The following MLLT10 variants were observed in gnomAD, a reference collection of about 807,000 sequenced individuals.
MLLT10 encodes protein AF-10.
In MLLT10, 30 loss-of-function variants were observed where a neutral mutation model predicts 129.1. That is an observed-to-expected ratio of 0.23 (90% confidence interval 0.17 to 0.32). The LOEUF (loss-of-function observed/expected upper bound fraction) is 0.32. Ranked by LOEUF, MLLT10 falls within the 10% of genes least tolerant of loss-of-function variation. The probability of loss-of-function intolerance (pLI) is 1.00; values close to 1 mark genes in which losing one functional copy is unlikely to be tolerated. For synonymous variants in MLLT10, 490 were observed against 446.4 expected (o/e 1.10, Z -1.23); for missense variants, 1,119 against 1,268.3 (o/e 0.88, Z 1.79).
intron 13 of MLLT10, among the ~76,000 whole-genome samples, chr10:21,694,124 G>A (rs1390950660): frequency 1.3e-5 from 2 of 152,182 alleles, no homozygotes; most frequent in South Asian, 4.1e-4. Context: ...CCATTTGAGA[G>A]TAAGTTGCGC....
chr10:21,585,404 C>T (rs991506148), intron 3 of MLLT10, among the ~76,000 whole-genome samples: 6 of 152,050 alleles, frequency 3.9e-5, no homozygotes, highest in African/African-American at 1.4e-4. Context: ...AAATTCTGAG[C>T]ATGAGAAGGA....
At position 21,742,047 on chromosome 10, in the gene MLLT10, C is replaced by A; in HGVS notation, c.*64C>A. 1 of 1,486,896 alleles carries A rather than the reference C, an allele frequency of 6.7e-7. No homozygotes were observed. Among genetic ancestry groups the A allele is most frequent in the Non-Finnish European group, 9.3e-7 (1 of 1,071,248 alleles). The allele number at this position is 1,486,896 out of a possible 1,614,324, so 92.1% of individuals were successfully genotyped here. ...CTAGCACTTCATCTGGCTGCCTTTGCAGTCCTTTTACTACAGCTATGAAGA... is the reference window on the plus strand; with the variant it reads ...CTAGCACTTCATCTGGCTGCCTTTGAAGTCCTTTTACTACAGCTATGAAGA... On this transcript the variant is annotated 3_prime_UTR_variant, in exon 23 of 23. Coordinates refer to ENST00000307729, the MANE Select transcript of MLLT10 (RefSeq NM_001195626.3).
rs2051295506 is a variant in MLLT10, at chr10:21,670,591, C to T, written c.938C>T (p.Ser313Leu). 2 of 1,614,024 alleles carry T rather than the reference C, an allele frequency of 1.2e-6. No individual in the cohort carries two copies. Among genetic ancestry groups the T allele is most frequent in the Non-Finnish European group, 1.7e-6 (2 of 1,180,034 alleles). Residue 313 changes from serine to leucine, a missense_variant, in exon 10 of 23, where the codon TCA (serine) becomes TTA (leucine). Coordinates refer to ENST00000307729, the MANE Select transcript of MLLT10 (RefSeq NM_001195626.3). ...AAAGATGTTTCAGAGACTAGAGGGT[C>T]AGAGGGCAAAGGGAAGAAATCTTCA... The part of the protein sequence containing the change: ...SGKDVSETRG[S>L]EGKGKKSSAH...
intron 10 of MLLT10, among the ~76,000 whole-genome samples, chr10:21,672,499 G>A (rs904091975): frequency 6.6e-6 from 1 of 152,074 alleles, no homozygotes; most frequent in Admixed American, 6.6e-5. Context: ...AGAGTCGGGG[G>A]TTTCACCATG....
At chr10:21,628,157 C>A (rs1163015753) in intron 8 of MLLT10, among the ~76,000 whole-genome samples, 1 of 152,160 alleles carries the variant, frequency 6.6e-6, no homozygotes, top group African/African-American at 2.4e-5. Context: ...CTACCTGATT[C>A]CAAGCAGCGC....
Position 21,547,808 on chromosome 10 carries a change from G to A in MLLT10, c.240+8896G>A, listed in dbSNP as rs555600528. Among the ~76,000 whole-genome samples, 100 of 152,222 alleles carry A rather than the reference G, an allele frequency of 6.6e-4. No homozygotes were observed. The Middle Eastern group carries it at 0.01, about 16-fold the overall frequency. On this transcript the variant is annotated intron_variant, in intron 3 of 22. Transcript: ENST00000307729. ...CCTGCTTTGGCCTCCCAAAGTGCTG[G>A]TATTACAGGCGTGAGCCACTGTGCG...
At chr10:21,741,392 C>G (rs1227930244) in intron 22 of MLLT10, among the ~76,000 whole-genome samples, 1 of 151,960 alleles carries the variant, frequency 6.6e-6, no homozygotes, top group African/African-American at 2.4e-5. Context: ...ATTTAATGAG[C>G]TAATAGAGTG....
intron 14 of MLLT10, among the ~76,000 whole-genome samples, chr10:21,717,253 C>CAAAAAAAAAAAA (rs747244556): frequency 1.6e-5 from 1 of 63,558 alleles, no homozygotes; most frequent in Non-Finnish European, 2.8e-5. Context: ...AACTCCGTCT[C>CAAAAAAAAAAAA]AAAAAAAAAA....
intron 8 of MLLT10, among the ~76,000 whole-genome samples, chr10:21,647,806 C>T (rs767890744): frequency 6.6e-6 from 1 of 151,520 alleles, no homozygotes; most frequent in Non-Finnish European, 1.5e-5. Context: ...TTACCGTCTT[C>T]CCAGTTTGGT....
In MLLT10 at chr10:21,538,922, A is replaced by G; in HGVS notation, c.240+10A>G. 1.2e-6 allele frequency: 2 copies of G among 1,602,236 alleles called. No individual in the cohort carries two copies. Among genetic ancestry groups the G allele is most frequent in the Non-Finnish European group, 1.7e-6 (2 of 1,170,298 alleles). ...GAGAGCAGCCAGAGTGGTAAGGACT[A>G]TTTATCAAAAACATTAAACTTTAGT... On this transcript the variant is annotated intron_variant, in intron 3 of 22. Coordinates refer to ENST00000307729, the MANE Select transcript of MLLT10 (RefSeq NM_001195626.3).
At chr10:21,571,023 A>C (rs901296199) in intron 3 of MLLT10, among the ~76,000 whole-genome samples, 1 of 151,916 alleles carries the variant, frequency 6.6e-6, no homozygotes, top group Non-Finnish European at 1.5e-5. Context: ...TGGGTCTTTC[A>C]TGTTTTCTTT....
chr10:21,664,573 G>C (rs888728743), intron 9 of MLLT10, among the ~76,000 whole-genome samples: 5 of 151,842 alleles, frequency 3.3e-5, no homozygotes, highest in African/African-American at 4.9e-5. Flanking sequence ...GGGATTACAG[G>C]CGTGCCCGGC....
chr10:21,704,078 C>A lies in MLLT10; in HGVS notation c.1700-9694C>A, dbSNP rs573956626. On this transcript the variant is annotated intron_variant, in intron 13 of 22. Transcript: ENST00000307729. ...TCTGTTGCCCAGGCTAAAGTGACCC[C>A]AGTTTACTGCAGCCTCTGCCCCCTA... 2.0e-3 allele frequency among the ~76,000 whole-genome samples: 288 copies of A among 143,500 alleles called. 3 individuals carry two copies. The highest frequency in any genetic ancestry group is 7.1e-3 in the African/African-American group (274 of 38,736). 94.1% of individuals were successfully genotyped at this position (143,500 alleles called of 152,430 possible).
chr10:21,568,528 A>G (rs2039844668), intron 3 of MLLT10, among the ~76,000 whole-genome samples: 1 of 152,182 alleles, frequency 6.6e-6, no homozygotes, highest in Non-Finnish European at 1.5e-5. Context: ...TTTCTAATAT[A>G]GTCATGTAAT....
At chr10:21,636,378 G>C (rs972676780) in intron 8 of MLLT10, among the ~76,000 whole-genome samples, 2 of 152,056 alleles carry the variant, frequency 1.3e-5, no homozygotes, top group African/African-American at 4.8e-5. Context: ...CTCCCACCTT[G>C]GCCTTGGCCT....
chr10:21,549,923 G>A (rs2036722086), intron 3 of MLLT10, among the ~76,000 whole-genome samples: 1 of 152,162 alleles, frequency 6.6e-6, no homozygotes, highest in South Asian at 2.1e-4. Flanking sequence ...ACAGGCGTGA[G>A]CCATCGCGCC....
Position 21,534,334 on chromosome 10 carries a change from G to C in MLLT10, c.-187G>C. On this transcript the variant is annotated 5_prime_UTR_variant, in exon 1 of 23. Coordinates refer to ENST00000307729, the MANE Select transcript of MLLT10 (RefSeq NM_001195626.3). ...CCCCCTCCCCCCAGTGCGCCTGTGC[G>C]GAGGCCCTCTTGATTATGTGTGCCC... 2.5e-6 allele frequency: 1 copy of C among 395,256 alleles called. No homozygotes were observed. The allele number at this position is 395,256 out of a possible 1,614,324, so 24.5% of individuals were successfully genotyped here. A position where few individuals can be genotyped will look rare whatever the true frequency, so the allele number is the denominator to read the frequency against.
chr10:21,665,227 C>T (rs1016508935), intron 9 of MLLT10, among the ~76,000 whole-genome samples: 38 of 148,972 alleles, frequency 2.6e-4, no homozygotes, highest in African/African-American at 9.0e-4. Context: ...ATTACAGGCG[C>T]GAGCCACTGC....
chr10:21,547,003 G>A (rs925464178), intron 3 of MLLT10, among the ~76,000 whole-genome samples: 5 of 151,986 alleles, frequency 3.3e-5, no homozygotes, highest in African/African-American at 2.4e-5. Context: ...GATTACAGGC[G>A]TGAACTCCCA....
Sources: gnomAD v4.1 joint callset for allele counts (sites outside exome capture counted in the v4.1 genomes callset) on GRCh38, gnomAD v4.1.1 for gene constraint, MANE v1.5 for transcripts, NCBI Gene and HGNC (gene_info 2026-07-23, HGNC 2026-07-21) for gene names.